Variants in FANCC observed in about 807,000 individuals in gnomAD.
FANCC encodes Fanconi anemia group C protein.
FANCC carries 55 observed loss-of-function variants against 71.3 expected under a neutral mutation model. The observed-to-expected ratio is 0.77, with a 90% CI of 0.62 to 0.97. The LOEUF (loss-of-function observed/expected upper bound fraction) is 0.97, where lower values mean the gene tolerates loss of function less well. Ranked by LOEUF, FANCC falls within the 50% of genes least tolerant of loss-of-function variation. The pLI, the probability that FANCC is intolerant of heterozygous loss-of-function variation, is 0.00. For synonymous variants in FANCC, 275 were observed against 244.9 expected, an observed-to-expected ratio of 1.12 and a Z score of -1.15; for missense variants, 678 against 670.9, an observed-to-expected ratio of 1.01 and a Z score of -0.12.
At chr9:95,214,589 T>G (rs1169227035) in intron 4 of FANCC, among the ~76,000 whole-genome samples, 1 of 152,178 alleles carries the variant, frequency 6.6e-6, no homozygotes, top group Non-Finnish European at 1.5e-5. Context: ...ACAACTAAAC[T>G]GTAGAGGCAA....
chr9:95,271,927 C>CTTCTTTTTTTTTTTTT (rs1832750730), intron 1 of FANCC, among the ~76,000 whole-genome samples: 2 of 50,510 alleles, frequency 4.0e-5, no homozygotes, highest in East Asian at 6.6e-4. Flanking sequence ...CAAGCCTCTT[C>CTTCTTTTTTTTTTTTT]TTTTTTTTTT....
intron 1 of FANCC, among the ~76,000 whole-genome samples, chr9:95,311,439 G>C (rs1393594964): frequency 1.3e-5 from 2 of 152,052 alleles, no homozygotes; most frequent in African/African-American, 4.8e-5. Context: ...AAGTCACTAA[G>C]GTAAATGGCA....
At position 95,240,728 on chromosome 9, in the gene FANCC, A is replaced by AT. The variant is rs751757203; in HGVS notation, c.265dup (p.Ile89AsnfsTer11). On this transcript the variant is annotated frameshift_variant, in exon 4 of 15. Transcript: ENST00000289081. LOFTEE classifies it high-confidence loss of function. Reference sequence around the variant, plus strand: ...TAGACAACATAAGCACCATATTAGAATTTTTTGGCTTTCATCTACAAAAAG... The same window carrying AT: ...TAGACAACATAAGCACCATATTAGAATTTTTTTGGCTTTCATCTACAAAAAG... 2 of 1,611,702 alleles carry AT rather than the reference A, an allele frequency of 1.2e-6. No individual in the cohort carries two copies. The highest frequency in any genetic ancestry group is 1.7e-6 in the Non-Finnish European group (2 of 1,178,536).
chr9:95,159,202 G>GC (rs1830608418), intron 6 of FANCC, among the ~76,000 whole-genome samples: 1 of 152,000 alleles, frequency 6.6e-6, no homozygotes, highest in South Asian at 2.1e-4. Flanking sequence ...TCCACAACAA[G>GC]CCCCAGGGTG....
chr9:95,189,730 A>C (rs73654539), intron 4 of FANCC, among the ~76,000 whole-genome samples: 1,869 of 152,336 alleles, frequency 0.012, 35 homozygotes, highest in African/African-American at 0.037. Flanking sequence ...GCCAGGCTTA[A>C]ATAATCATCC....
intron 1 of FANCC, among the ~76,000 whole-genome samples, chr9:95,266,034 C>T (rs1832363896): frequency 6.6e-6 from 1 of 152,164 alleles, no homozygotes. Flanking sequence ...GGTCAGGAAG[C>T]ATGAGCAGGA....
intron 1 of FANCC, among the ~76,000 whole-genome samples, chr9:95,284,680 C>A (rs1833567928): frequency 1.3e-5 from 2 of 152,098 alleles, no homozygotes; most frequent in Admixed American, 1.3e-4. Flanking sequence ...ATCCACACAG[C>A]ACTATTAACA....
rs753900426 is a variant in FANCC, at chr9:95,117,336, C to T, written c.1051G>A (p.Val351Met). Residue 351 changes from valine (V) to methionine (M), a missense_variant, in exon 11 of 15, where the codon GTG (valine) becomes ATG (methionine). Transcript: ENST00000289081. ...FPYTSPSLAM[V>M]LLQDPQDIPR... ...TCACCTTGAGGGTCTTGCAGCAGCA[C>T]CATGGCAAGAGATGGAGAAGTGTAA... The T allele has an allele frequency of 6.2e-7, 1 of 1,614,082 alleles. No homozygotes were observed. Among genetic ancestry groups the T allele is most frequent in the East Asian group, 2.2e-5 (1 of 44,872 alleles).
At chr9:95,237,187 G>A (rs987994255) in intron 4 of FANCC, among the ~76,000 whole-genome samples, 2 of 152,168 alleles carry the variant, frequency 1.3e-5, no homozygotes, top group Non-Finnish European at 2.9e-5. Flanking sequence ...AACTGAGGAA[G>A]GAAACTGTTT....
At chr9:95,256,446 A>G (rs1831662433) in intron 1 of FANCC, among the ~76,000 whole-genome samples, 1 of 152,250 alleles carries the variant, frequency 6.6e-6, no homozygotes, top group Non-Finnish European at 1.5e-5. Context: ...TAAGTTTCAT[A>G]AGCGAAGGAG....
At chr9:95,155,268 A>AG (rs1248760415) in intron 6 of FANCC, among the ~76,000 whole-genome samples, 4 of 57,832 alleles carry the variant, frequency 6.9e-5, no homozygotes, top group African/African-American at 2.2e-4. Context: ...AGGGGAGGGG[A>AG]GGAAAGGGGA....
At chr9:95,274,017 G>C (rs1054185249) in intron 1 of FANCC, among the ~76,000 whole-genome samples, 8 of 152,132 alleles carry the variant, frequency 5.3e-5, no homozygotes, top group Admixed American at 2.0e-4. Flanking sequence ...TAGAGAGTAG[G>C]AACCATTTTT....
At chr9:95,164,661 G>A (rs527498819) in intron 6 of FANCC, among the ~76,000 whole-genome samples, 7 of 152,276 alleles carry the variant, frequency 4.6e-5, no homozygotes, top group African/African-American at 1.7e-4. Flanking sequence ...CAGTCATGGT[G>A]TTTATACATA....
At chr9:95,144,150 G>A (rs555105454) in intron 7 of FANCC, among the ~76,000 whole-genome samples, 5 of 152,238 alleles carry the variant, frequency 3.3e-5, no homozygotes, top group Non-Finnish European at 4.4e-5. Context: ...GGCTGGGCGC[G>A]GCTGGTAATT....
intron 4 of FANCC, among the ~76,000 whole-genome samples, chr9:95,192,715 C>A (rs1291509000): frequency 6.6e-6 from 1 of 152,156 alleles, no homozygotes; most frequent in Admixed American, 6.5e-5. Flanking sequence ...AAGGTATAGT[C>A]AAAGTAGAGA....
At chr9:95,106,632 A>G (rs2071464623) in intron 14 of FANCC, among the ~76,000 whole-genome samples, 1 of 152,168 alleles carries the variant, frequency 6.6e-6, no homozygotes, top group African/African-American at 2.4e-5. Flanking sequence ...TTTGTAATAA[A>G]CCAATTTTTT....
chr9:95,311,469 G>C (rs1158913077), intron 1 of FANCC, among the ~76,000 whole-genome samples: 1 of 152,180 alleles, frequency 6.6e-6, no homozygotes, highest in African/African-American at 2.4e-5. Flanking sequence ...TCTTATAAAA[G>C]AAGCAAAAGT....
chr9:95,152,345 A>C (rs1341980253), intron 6 of FANCC, among the ~76,000 whole-genome samples: 1 of 152,244 alleles, frequency 6.6e-6, no homozygotes, highest in Non-Finnish European at 1.5e-5. Flanking sequence ...CTCAGAAGTG[A>C]CAGAAATTTA....
intron 4 of FANCC, among the ~76,000 whole-genome samples, chr9:95,238,449 T>C (rs1340399191): frequency 2.0e-5 from 3 of 152,186 alleles, no homozygotes; most frequent in Non-Finnish European, 4.4e-5. Flanking sequence ...TCTCAACTTA[T>C]CACTACAATA....
Sources: gnomAD v4.1 joint callset for allele counts (sites outside exome capture counted in the v4.1 genomes callset) on GRCh38, gnomAD v4.1.1 for gene constraint, MANE v1.5 for transcripts, NCBI Gene and HGNC (gene_info 2026-07-23, HGNC 2026-07-21) for gene names.